The following GPC5 variants were observed in gnomAD, a reference collection of about 807,000 sequenced individuals.
GPC5 encodes the protein glypican-5.
GPC5 carries 47 observed loss-of-function variants against 53.9 expected under a neutral mutation model. The ratio of observed to expected loss-of-function variants is 0.87; its 90% CI spans 0.69 to 1.11. The LOEUF is 1.11. Ranked by LOEUF, GPC5 falls within the 50% of genes most tolerant of loss-of-function variation. The pLI, the probability that GPC5 is intolerant of heterozygous loss-of-function variation, is 0.00. For missense variants in GPC5, 748 were observed against 713.1 expected (o/e 1.05, Z -0.56); for synonymous variants, 286 against 263.3 (o/e 1.09, Z -0.84).
intron 6 of GPC5, among the ~76,000 whole-genome samples, chr13:91,989,575 C>T (rs1232344981): frequency 6.6e-6 from 1 of 152,016 alleles, no homozygotes; most frequent in East Asian, 1.9e-4. Flanking sequence ...GGATTACATA[C>T]AAATCTAGTG....
intron 7 of GPC5, among the ~76,000 whole-genome samples, chr13:92,812,791 A>G (rs1355052558): frequency 6.6e-6 from 1 of 151,978 alleles, no homozygotes; most frequent in Admixed American, 6.6e-5. Flanking sequence ...ACAAAACTCC[A>G]TGATGTCTCT....
chr13:92,379,102 A>G (rs556457994), intron 7 of GPC5, among the ~76,000 whole-genome samples: 2 of 152,188 alleles, frequency 1.3e-5, no homozygotes, highest in Non-Finnish European at 2.9e-5. Flanking sequence ...TTACTTGTGA[A>G]ACCAGTTTAT....
Position 91,723,251 on chromosome 13 carries a change from G to A in GPC5, c.1021-5281G>A, listed in dbSNP as rs77998679. ...CCTCCTTTTTTGTGGGGTGGGGACA[G>A]TATATTATACGAGTTCTCTTTCTCC... On this transcript the variant is annotated intron_variant, in intron 3 of 7. Transcript: ENST00000377067. Among the ~76,000 whole-genome samples the A allele has an allele frequency of 7.2e-4, 109 of 151,714 alleles. No individual in the cohort carries two copies. In the East Asian group the frequency reaches 0.012, roughly 17 times the overall value.
At chr13:92,153,584 G>T (rs1015137144) in intron 7 of GPC5, among the ~76,000 whole-genome samples, 1 of 152,206 alleles carries the variant, frequency 6.6e-6, no homozygotes, top group Non-Finnish European at 1.5e-5. Context: ...CATCTGGAAA[G>T]TATCTCTTGA....
chr13:91,496,633 G>T (rs1206955173), intron 2 of GPC5, among the ~76,000 whole-genome samples: 1 of 152,150 alleles, frequency 6.6e-6, no homozygotes, highest in Non-Finnish European at 1.5e-5. Flanking sequence ...GGCTGGGAAT[G>T]GTAGTGGGGG....
At chr13:92,759,840 C>G (rs549740137) in intron 7 of GPC5, among the ~76,000 whole-genome samples, 1 of 151,960 alleles carries the variant, frequency 6.6e-6, no homozygotes, top group Non-Finnish European at 1.5e-5. Flanking sequence ...ATTATGATGT[C>G]ATCTGTGGGT....
At chr13:92,664,808 G>T (rs1886516268) in intron 7 of GPC5, among the ~76,000 whole-genome samples, 1 of 152,028 alleles carries the variant, frequency 6.6e-6, no homozygotes, top group South Asian at 2.1e-4. Context: ...CTTTCATCCA[G>T]CAATGGCACC....
chr13:92,792,470 G>A (rs1480462713), intron 7 of GPC5, among the ~76,000 whole-genome samples: 4 of 152,122 alleles, frequency 2.6e-5, no homozygotes, highest in African/African-American at 9.7e-5. Context: ...ATGCTACAAA[G>A]AAACTGCATC....
chr13:92,105,588 C>A (rs1224800514), intron 6 of GPC5, among the ~76,000 whole-genome samples: 1 of 151,914 alleles, frequency 6.6e-6, no homozygotes, highest in Admixed American at 6.6e-5. Flanking sequence ...ATTTTAGAAT[C>A]AAGGTATGTT....
intron 7 of GPC5, among the ~76,000 whole-genome samples, chr13:92,233,822 C>A (rs2042549524): frequency 6.6e-6 from 1 of 151,912 alleles, no homozygotes; most frequent in African/African-American, 2.4e-5. Context: ...CCCCACCCCA[C>A]AACAGTCCCC....
At chr13:92,310,762 T>C (rs2043140109) in intron 7 of GPC5, among the ~76,000 whole-genome samples, 1 of 152,208 alleles carries the variant, frequency 6.6e-6, no homozygotes, top group Non-Finnish European at 1.5e-5. Flanking sequence ...GGCATCTAAA[T>C]AGGTATACAA....
At chr13:91,789,889 G>T (rs1194215286) in intron 5 of GPC5, among the ~76,000 whole-genome samples, 3 of 152,124 alleles carry the variant, frequency 2.0e-5, no homozygotes, top group African/African-American at 7.2e-5. Context: ...ACAAAACACA[G>T]CGGAGAAATA....
chr13:91,401,381 A>G (rs945920498), intron 1 of GPC5, among the ~76,000 whole-genome samples: 2 of 152,046 alleles, frequency 1.3e-5, no homozygotes, highest in Non-Finnish European at 2.9e-5. Flanking sequence ...TTGTATTTAT[A>G]TATGATCTAC....
intron 7 of GPC5, among the ~76,000 whole-genome samples, chr13:92,810,637 G>A (rs899474884): frequency 5.3e-5 from 8 of 151,682 alleles, no homozygotes; most frequent in Non-Finnish European, 1.0e-4. Flanking sequence ...AATCTACTTT[G>A]ATATCTATGA....
intron 7 of GPC5, among the ~76,000 whole-genome samples, chr13:92,698,043 C>T (rs893177382): frequency 2.2e-4 from 33 of 152,140 alleles, no homozygotes; most frequent in Admixed American, 1.6e-3. Flanking sequence ...ATCCCAGGGA[C>T]GAAGCTGACT....
chr13:91,993,269 T>C (rs1037173371), intron 6 of GPC5, among the ~76,000 whole-genome samples: 2 of 152,346 alleles, frequency 1.3e-5, no homozygotes, highest in South Asian at 4.1e-4. Context: ...AAATCCTCTT[T>C]TAATTTTAAT....
intron 7 of GPC5, among the ~76,000 whole-genome samples, chr13:92,344,998 T>G (rs2043398723): frequency 6.6e-6 from 1 of 152,164 alleles, no homozygotes; most frequent in African/African-American, 2.4e-5. Flanking sequence ...ATTACTGATT[T>G]CCTCAGAAAC....
Position 92,182,212 on chromosome 13 carries a change from C to T in GPC5, c.1561+37223C>T, listed in dbSNP as rs138424738. On this transcript the variant is annotated intron_variant, in intron 7 of 7. Coordinates refer to ENST00000377067, the MANE Select transcript of GPC5 (RefSeq NM_004466.6). The stretch of plus-strand genomic sequence containing the variant: ...GAGGTTTACCTCCCTGATTATTCCT[C>T]CCTTACAGCTATATTTTAACAATTC... 2.2e-3 allele frequency among the ~76,000 whole-genome samples: 339 copies of T among 152,276 alleles called. 3 individuals carry two copies. Among genetic ancestry groups the T allele is most frequent in the African/African-American group, 7.9e-3 (327 of 41,562 alleles).
intron 7 of GPC5, among the ~76,000 whole-genome samples, chr13:92,574,200 A>C (rs1448846660): frequency 1.3e-5 from 2 of 152,322 alleles, no homozygotes; most frequent in East Asian, 3.9e-4. Context: ...GATACAGATA[A>C]AGTAGAAATC....
Sources: allele counts gnomAD v4.1 joint callset (sites outside exome capture counted in the v4.1 genomes callset), GRCh38; gene constraint gnomAD v4.1.1; transcripts MANE v1.5; gene names NCBI Gene and HGNC (gene_info 2026-07-23, HGNC 2026-07-21).